The following FRMD8 variants were observed in gnomAD, a reference collection of about 807,000 sequenced individuals.
The protein encoded by FRMD8 is FERM domain containing 8.
A neutral mutation model predicts 54.2 loss-of-function variants in FRMD8; 37 were observed. The ratio of observed to expected loss-of-function variants is 0.68; its 90% confidence interval spans 0.53 to 0.90. The LOEUF (loss-of-function observed/expected upper bound fraction) is 0.90, where lower values mean the gene tolerates loss of function less well. Ranked by LOEUF, FRMD8 falls within the 40% of genes least tolerant of loss-of-function variation. The pLI is 0.00. For synonymous variants in FRMD8, 246 were observed against 286.9 expected, an observed-to-expected ratio of 0.86 and a Z score of 1.44; for missense variants, 585 against 653.7, an observed-to-expected ratio of 0.89 and a Z score of 1.15.
upstream of FRMD8, among the ~76,000 whole-genome samples, chr11:65,384,439 C>T (rs556933668): frequency 2.0e-5 from 3 of 152,122 alleles, no homozygotes; most frequent in East Asian, 1.9e-4. Context: ...CCACCACCAC[C>T]GCAGACACTC....
At chr11:65,376,151 G>A in the FRMD8 span, 1 of 530,908 alleles carries the variant, frequency 1.9e-6, no homozygotes, top group South Asian at 2.2e-5. Context: ...CAGCTCACTT[G>A]TGCCTCATGC....
intron 7 of FRMD8, among the ~76,000 whole-genome samples, chr11:65,397,371 C>T (rs764335165): frequency 6.6e-6 from 1 of 152,214 alleles, no homozygotes; most frequent in Non-Finnish European, 1.5e-5. Flanking sequence ...CACTGGAGGT[C>T]CCCCTGAGCC....
At chr11:65,384,229 C>T (rs1855694039), upstream of FRMD8, among the ~76,000 whole-genome samples, 1 of 152,130 alleles carries the variant, frequency 6.6e-6, no homozygotes, top group Non-Finnish European at 1.5e-5. Flanking sequence ...CACGCCTGCC[C>T]CATATCTGTC....
At chr11:65,381,846 T>C (rs763152339), upstream of FRMD8, 3 of 1,599,406 alleles carry the variant, frequency 1.9e-6, no homozygotes, top group Non-Finnish European at 2.6e-6. Context: ...TCCTCCCATG[T>C]CACCCATCTT....
At chr11:65,410,881 T>A (rs1466416740) in intron 10 of FRMD8, among the ~76,000 whole-genome samples, 1 of 152,256 alleles carries the variant, frequency 6.6e-6, no homozygotes, top group African/African-American at 2.4e-5. Context: ...GACCCGGTAT[T>A]GCCATTATTA....
Position 65,394,418 on chromosome 11 carries a change from G to T in FRMD8, c.574G>T (p.Asp192Tyr). ...PYQPGRPAAC[D>Y]LREKLDSFLP... Reference sequence around the variant, plus strand: ...CCAGCCCGGCCGGCCGGCAGCCTGCGACCTGAGGTGAGGGCCTGTGTGACT... The same window carrying T: ...CCAGCCCGGCCGGCCGGCAGCCTGCTACCTGAGGTGAGGGCCTGTGTGACT... The change falls in exon 6 of 11, where the codon GAC becomes TAC. Residue 192 changes from aspartate to tyrosine, a missense_variant. Physicochemically the swap from Asp to Tyr is radical, Grantham distance 160. Transcript: ENST00000317568. 1 of 1,566,466 alleles carries T rather than the reference G, an allele frequency of 6.4e-7. No homozygotes were observed. Among genetic ancestry groups the T allele is most frequent in the Non-Finnish European group, 8.6e-7 (1 of 1,158,860 alleles).
At chr11:65,403,600 T>A (rs980650354) in intron 9 of FRMD8, among the ~76,000 whole-genome samples, 3 of 152,068 alleles carry the variant, frequency 2.0e-5, no homozygotes, top group Non-Finnish European at 4.4e-5. Context: ...TGACCCCCAG[T>A]GTAGGATGGA....
the FRMD8 span, among the ~76,000 whole-genome samples, chr11:65,370,844 C>A: frequency 1.3e-5 from 2 of 152,118 alleles, no homozygotes; most frequent in Non-Finnish European, 2.9e-5. Context: ...ACAGGAGGAT[C>A]ACTTGAGCCC....
chr11:65,384,524 T>C (rs982196215), upstream of FRMD8, among the ~76,000 whole-genome samples: 41 of 152,104 alleles, frequency 2.7e-4, no homozygotes, highest in African/African-American at 9.2e-4. Flanking sequence ...TAAAGCACTT[T>C]AAAAAGTGGC....
At chr11:65,377,354 G>A in the FRMD8 span, 8 of 1,307,988 alleles carry the variant, frequency 6.1e-6, no homozygotes, top group East Asian at 3.3e-5. Flanking sequence ...CAGGCACTCA[G>A]AACAAGCCTG....
chr11:65,410,755 A>C (rs1590663514), intron 10 of FRMD8, among the ~76,000 whole-genome samples: 1 of 152,160 alleles, frequency 6.6e-6, no homozygotes. Flanking sequence ...GTGCCACTGC[A>C]CTCCAGCCTG....
chr11:65,402,680 G>A (rs1375507286), intron 9 of FRMD8, among the ~76,000 whole-genome samples: 2 of 152,134 alleles, frequency 1.3e-5, no homozygotes, highest in South Asian at 2.1e-4. Flanking sequence ...TGATTACTTC[G>A]GAGGTCATTG....
chr11:65,374,373 C>T, the FRMD8 span, among the ~76,000 whole-genome samples: 2 of 122,556 alleles, frequency 1.6e-5, no homozygotes, highest in Non-Finnish European at 3.9e-5. Flanking sequence ...TAACTGGACA[C>T]TGCGGCTGGA....
the FRMD8 span, among the ~76,000 whole-genome samples, chr11:65,368,859 G>A: frequency 6.6e-6 from 1 of 152,078 alleles, no homozygotes; most frequent in African/African-American, 2.4e-5. Context: ...CACCACGCCC[G>A]GTCTACCAGC....
At chr11:65,374,428 G>A in the FRMD8 span, among the ~76,000 whole-genome samples, 1 of 142,406 alleles carries the variant, frequency 7.0e-6, no homozygotes, top group African/African-American at 2.5e-5. Flanking sequence ...CCCGCGGTGT[G>A]ACCTAGGACA....
chr11:65,374,998 G>GAAA, the FRMD8 span, among the ~76,000 whole-genome samples: 9 of 151,964 alleles, frequency 5.9e-5, no homozygotes, highest in African/African-American at 1.5e-4. Context: ...AAAAGAAAAA[G>GAAA]AAAACAAGCA....
At chr11:65,377,248 G>A in the FRMD8 span, 1 of 1,429,570 alleles carries the variant, frequency 7.0e-7, no homozygotes, top group South Asian at 1.5e-5. Context: ...CAGGATGTCT[G>A]CATGCGACCG....
At chr11:65,399,664 G>T in intron 7 of FRMD8, 72 bp from the exon 8 acceptor site, 1 of 1,573,956 alleles carries the variant, frequency 6.4e-7, no homozygotes, top group Admixed American at 1.8e-5. Flanking sequence ...TCAGAGCCCA[G>T]GTTGGGGCCT....
At chr11:65,397,170 T>C (rs1855976464) in intron 7 of FRMD8, 150 bp downstream of exon 7, 1 of 462,490 alleles carries the variant, frequency 2.2e-6, no homozygotes, top group Admixed American at 4.3e-5. Flanking sequence ...GCCCCACCGT[T>C]CCAAGCTGGG....
Sources: gnomAD v4.1 joint callset for allele counts (sites outside exome capture counted in the v4.1 genomes callset) on GRCh38, gnomAD v4.1.1 for gene constraint, MANE v1.5 for transcripts, NCBI Gene and HGNC (gene_info 2026-07-23, HGNC 2026-07-21) for gene names.